SMC5: variants seen among roughly 807,000 people sequenced by gnomAD.
SMC5 encodes structural maintenance of chromosomes protein 5.
In SMC5, 88 loss-of-function variants were observed where a neutral mutation model predicts 148.3. That is an observed-to-expected ratio of 0.59 (90% CI 0.50 to 0.71). SMC5 has a LOEUF of 0.71. SMC5 is among the 30% of genes least tolerant of loss of function. SMC5 has a pLI of 0.00. For missense variants in SMC5, 1,142 were observed against 1,298.9 expected (o/e 0.88, Z 1.86); for synonymous variants, 421 against 432.8 (o/e 0.97, Z 0.34).
intron 11 of SMC5, among the ~76,000 whole-genome samples, chr9:70,314,057 G>A (rs933134358): frequency 2.0e-5 from 3 of 152,106 alleles, no homozygotes; most frequent in Admixed American, 1.3e-4. Flanking sequence ...AGTTCATGGG[G>A]CAGCCAAGGA....
In SMC5 at chr9:70,259,035, G is replaced by A. The variant is rs1278398506; in HGVS notation, c.-44G>A. Reference sequence around the variant, plus strand: ...GGGCGCTTGGGCGCCTGGGCTGCCGGACGGTGGGAACGGAAGTCGCTGTGG... The same window carrying A: ...GGGCGCTTGGGCGCCTGGGCTGCCGAACGGTGGGAACGGAAGTCGCTGTGG... On this transcript the variant is annotated 5_prime_UTR_variant, in exon 1 of 25. Transcript: ENST00000361138. The A allele has an allele frequency of 1.3e-6, 2 of 1,546,512 alleles. No homozygotes were observed. Among genetic ancestry groups the A allele is most frequent in the Non-Finnish European group, 8.7e-7 (1 of 1,145,080 alleles).
chr9:70,324,911 C>G (rs999130329), intron 17 of SMC5, among the ~76,000 whole-genome samples: 2 of 152,194 alleles, frequency 1.3e-5, no homozygotes, highest in Non-Finnish European at 2.9e-5. Context: ...TCAAAAGTTT[C>G]TTTACTCTTT....
intron 15 of SMC5, among the ~76,000 whole-genome samples, chr9:70,321,653 A>T (rs1040880858): frequency 6.6e-6 from 1 of 152,152 alleles, no homozygotes; most frequent in African/African-American, 2.4e-5. Context: ...AAGTGCTAGG[A>T]TTACAGGCAT....
intron 1 of SMC5, among the ~76,000 whole-genome samples, chr9:70,261,371 AGT>A (rs1432177784): frequency 2.0e-5 from 3 of 152,202 alleles, no homozygotes; most frequent in Non-Finnish European, 1.5e-5. Flanking sequence ...AGATGATCAG[AGT>A]GTGAAGGAAT....
chr9:70,306,631 A>G (rs139487936), intron 11 of SMC5, among the ~76,000 whole-genome samples: 18 of 152,242 alleles, frequency 1.2e-4, no homozygotes, highest in Admixed American at 1.2e-3. Flanking sequence ...AATGATTTCT[A>G]TTTTTCAAAT....
intron 5 of SMC5, among the ~76,000 whole-genome samples, chr9:70,279,610 A>G (rs1300714064): frequency 2.0e-5 from 3 of 152,056 alleles, no homozygotes; most frequent in Non-Finnish European, 4.4e-5. Context: ...TGAGGTCAGG[A>G]GTTTGAGACC....
At chr9:70,345,061 A>G (rs972014695) in intron 18 of SMC5, among the ~76,000 whole-genome samples, 1 of 152,192 alleles carries the variant, frequency 6.6e-6, no homozygotes, top group Admixed American at 6.5e-5. Flanking sequence ...AATTGGATAC[A>G]TACTAGGAAC....
At position 70,323,598 on chromosome 9, in the gene SMC5, CTAATAAAGG is replaced by C; in HGVS notation, c.2270_2274+4del. 3 of 1,610,104 alleles carry C rather than the reference CTAATAAAGG, an allele frequency of 1.9e-6. No homozygotes were observed. The highest frequency in any genetic ancestry group is 2.5e-6 in the Non-Finnish European group (3 of 1,178,238). ...GAAACTTGTTACCGAATTAACAAAC[CTAATAAAGG>C]TAAGGTATTGTTTTAATTTTAGTCA... On this transcript the variant is annotated splice_donor_variant and coding_sequence_variant, in exon 16 of 25. Coordinates refer to ENST00000361138, the MANE Select transcript of SMC5 (RefSeq NM_015110.4). LOFTEE classifies it high-confidence loss of function.
At chr9:70,289,387 T>G (rs2034997969) in intron 8 of SMC5, among the ~76,000 whole-genome samples, 1 of 152,174 alleles carries the variant, frequency 6.6e-6, no homozygotes, top group South Asian at 2.1e-4. Flanking sequence ...GAGTATAGGT[T>G]TGTCTATTTT....
At position 70,339,908 on chromosome 9, in the gene SMC5, A is replaced by C. The variant is rs544655479; in HGVS notation, c.2398-4236A>C. Among the ~76,000 whole-genome samples, 3 of 152,310 alleles carry C rather than the reference A, an allele frequency of 2.0e-5. No homozygotes were observed. In the East Asian group the frequency reaches 5.8e-4, roughly 29 times the overall value. On this transcript the variant is annotated intron_variant, in intron 17 of 24. Transcript: ENST00000361138. Reference sequence around the variant, plus strand: ...GGGCTATTTTTAGGACAAATTAGTAAGCTGTGTGTGAATCCAAATACAGAG... The same window carrying C: ...GGGCTATTTTTAGGACAAATTAGTACGCTGTGTGTGAATCCAAATACAGAG...
intron 3 of SMC5, among the ~76,000 whole-genome samples, chr9:70,269,304 C>G (rs1011546179): frequency 6.6e-6 from 1 of 152,012 alleles, no homozygotes; most frequent in Non-Finnish European, 1.5e-5. Context: ...CATGTCAGAC[C>G]AGGTGCAGTG....
Position 70,282,583 on chromosome 9 carries a change from G to T in SMC5, c.981G>T (p.Lys327Asn). Residue 327 changes from lysine (K) to asparagine (N), a missense_variant and splice_region_variant, in exon 7 of 25, where the codon AAG becomes AAT. By Grantham distance (94) the Lys-to-Asn change is moderately conservative. Transcript: ENST00000361138. The part of the protein sequence containing the change: ...RHNLEARIKE[K>N]ATDIKEASQK... ...ATTTGGAGGCTCGAATCAAAGAAAA[G>T]GTACTTTTTGGTTTCAATTTTGGAT... 6.5e-7 allele frequency: 1 copy of T among 1,549,262 alleles called. No individual in the cohort carries two copies. Among genetic ancestry groups the T allele is most frequent in the Non-Finnish European group, 8.6e-7 (1 of 1,158,086 alleles).
chr9:70,344,497 T>C (rs909108261), intron 18 of SMC5: 8 of 189,274 alleles, frequency 4.2e-5, no homozygotes, highest in African/African-American at 1.9e-4. Context: ...TGCCTTTTAA[T>C]GGGTACAGTT....
In SMC5 at chr9:70,258,992, C is replaced by CGGGGCCCCTGGGTGGATGGGCGCT; in HGVS notation, c.-82_-81insCCCTGGGTGGATGGGCGCTGGGGC. The CGGGGCCCCTGGGTGGATGGGCGCT allele has an allele frequency of 7.0e-7, 1 of 1,425,398 alleles. No individual in the cohort carries two copies. Among genetic ancestry groups the CGGGGCCCCTGGGTGGATGGGCGCT allele is most frequent in the East Asian group, 2.6e-5 (1 of 38,956 alleles). 88.3% of individuals were successfully genotyped at this position (1,425,398 alleles called of 1,614,324 possible). A position where few individuals can be genotyped will look rare whatever the true frequency, so the allele number is the denominator to read the frequency against. ...CAGTTCGCGGCAGTTCGCGCGGGAG[C>CGGGGCCCCTGGGTGGATGGGCGCT]GGGGCGCCTGGGTGGATGGGCGCTT... On this transcript the variant is annotated 5_prime_UTR_variant, in exon 1 of 25. The change creates a new upstream start codon in the 5' untranslated region. Transcript: ENST00000361138.
chr9:70,307,803 C>T (rs74783537), intron 11 of SMC5, among the ~76,000 whole-genome samples: 5,308 of 152,214 alleles, frequency 0.035, 124 homozygotes, highest in Non-Finnish European at 0.053. Context: ...CACGCCCGGT[C>T]AATTCATTAC....
At chr9:70,324,612 C>G (rs1363644156) in intron 17 of SMC5, among the ~76,000 whole-genome samples, 1 of 152,118 alleles carries the variant, frequency 6.6e-6, no homozygotes. Flanking sequence ...GCTAACCATC[C>G]TGGTCACTAT....
intron 15 of SMC5, among the ~76,000 whole-genome samples, chr9:70,319,188 T>C (rs1338411938): frequency 6.6e-6 from 1 of 152,208 alleles, no homozygotes; most frequent in Non-Finnish European, 1.5e-5. Context: ...CTCCTTTATA[T>C]GCTTAAAAAT....
intron 8 of SMC5, among the ~76,000 whole-genome samples, chr9:70,292,441 G>T (rs569616813): frequency 6.6e-6 from 1 of 152,004 alleles, no homozygotes; most frequent in Non-Finnish European, 1.5e-5. Flanking sequence ...AGGCAGTCAT[G>T]TCAGCTACAA....
In SMC5 at chr9:70,338,843, T is replaced by C. The variant is rs552065489; in HGVS notation, c.2398-5301T>C. ...TCCTCAGCAATATTTTACACCACTCTGTTTTTCTTATTCATATGTTGATTT... is the reference window on the plus strand; with the variant it reads ...TCCTCAGCAATATTTTACACCACTCCGTTTTTCTTATTCATATGTTGATTT... On this transcript the variant is annotated intron_variant, in intron 17 of 24. Transcript: ENST00000361138. Among the ~76,000 whole-genome samples, 37 of 152,324 alleles carry C rather than the reference T, an allele frequency of 2.4e-4. No individual in the cohort carries two copies. In the South Asian group the frequency reaches 7.7e-3, roughly 32 times the overall value.
Sources: gnomAD v4.1 joint callset for allele counts (sites outside exome capture counted in the v4.1 genomes callset) on GRCh38, gnomAD v4.1.1 for gene constraint, MANE v1.5 for transcripts, NCBI Gene and HGNC (gene_info 2026-07-23, HGNC 2026-07-21) for gene names.